The following CRADD variants were observed in gnomAD, a reference collection of about 807,000 sequenced individuals.
CRADD encodes CARD and death domain containing adaptor protein.
Under a neutral mutation model 15.5 loss-of-function variants are expected in CRADD, and 9 were observed. That is an observed-to-expected ratio of 0.58 (90% CI 0.35 to 1.01). CRADD has a LOEUF of 1.01. CRADD is among the 50% of genes least tolerant of loss of function. The pLI is 0.02. For missense variants in CRADD, 227 were observed against 250.3 expected (o/e 0.91, Z 0.63); for synonymous variants, 118 against 107.6 (o/e 1.10, Z -0.60).
chr12:93,877,589 TC>T (rs1392277516), intron 2 of CRADD, among the ~76,000 whole-genome samples: 1 of 152,108 alleles, frequency 6.6e-6, no homozygotes, highest in African/African-American at 2.4e-5. Context: ...CCTCTTCCTT[TC>T]CCCTTCCAAA....
chr12:93,724,336 G>A (rs1956316097), intron 2 of CRADD, among the ~76,000 whole-genome samples: 1 of 150,104 alleles, frequency 6.7e-6, no homozygotes, highest in African/African-American at 2.5e-5. Context: ...CCCTGATCGT[G>A]CCACTGCACT....
intron 2 of CRADD, among the ~76,000 whole-genome samples, chr12:93,816,710 G>A (rs1168989120): frequency 1.3e-5 from 2 of 152,046 alleles, no homozygotes; most frequent in African/African-American, 4.8e-5. Context: ...GCTTTCAGCA[G>A]TTCTTCTGTT....
At chr12:93,870,318 C>G (rs986318960) in intron 2 of CRADD, among the ~76,000 whole-genome samples, 2 of 152,180 alleles carry the variant, frequency 1.3e-5, no homozygotes, top group East Asian at 1.9e-4. Context: ...GCACTTGAAC[C>G]ATGACTTGCT....
intron 2 of CRADD, among the ~76,000 whole-genome samples, chr12:93,821,262 C>T (rs552551686): frequency 1.3e-5 from 2 of 152,342 alleles, no homozygotes; most frequent in African/African-American, 2.4e-5. Flanking sequence ...CTCCCCAGCC[C>T]GCATAGCTCT....
At chr12:93,767,302 ACTT>A (rs1424936953) in intron 2 of CRADD, among the ~76,000 whole-genome samples, 2 of 152,126 alleles carry the variant, frequency 1.3e-5, no homozygotes, top group Non-Finnish European at 2.9e-5. Flanking sequence ...AATTGGAGCC[ACTT>A]CTTCTATTGG....
At chr12:93,770,322 C>T (rs1358069097) in intron 2 of CRADD, among the ~76,000 whole-genome samples, 3 of 152,014 alleles carry the variant, frequency 2.0e-5, no homozygotes, top group African/African-American at 7.2e-5. Flanking sequence ...TGGTCTCGAT[C>T]TCCTGACCTC....
In CRADD at chr12:93,811,444, C is replaced by T. The variant is rs1957625574; in HGVS notation, c.299-38526C>T. ...ATTCAGCAGAGGCTGGCTACCTATACTGGCACCATTGAAGGACTCTGCCCT... is the reference window on the plus strand; with the variant it reads ...ATTCAGCAGAGGCTGGCTACCTATATTGGCACCATTGAAGGACTCTGCCCT... On this transcript the variant is annotated intron_variant, in intron 2 of 2. Transcript: ENST00000332896. Among the ~76,000 whole-genome samples the T allele has an allele frequency of 2.0e-5, 3 of 152,210 alleles. No homozygotes were observed. The South Asian group carries it at 6.2e-4, about 32-fold the overall frequency.
intron 2 of CRADD, among the ~76,000 whole-genome samples, chr12:93,686,304 CAAAAAAAAAAAAAA>C (rs59096792): frequency 9.1e-5 from 6 of 65,984 alleles, no homozygotes; most frequent in African/African-American, 3.3e-4. Flanking sequence ...CCATCCCCCC[CAAAAAAAAAAAAAA>C]AAAAAAAGAA....
At chr12:93,875,244 G>A (rs1958449958) in intron 2 of CRADD, among the ~76,000 whole-genome samples, 1 of 127,236 alleles carries the variant, frequency 7.9e-6, no homozygotes, top group Non-Finnish European at 1.8e-5. Flanking sequence ...AACTCCTGCT[G>A]ATTTTTGTTT....
At chr12:93,778,057 A>T (rs1388103408) in intron 2 of CRADD, among the ~76,000 whole-genome samples, 4 of 152,208 alleles carry the variant, frequency 2.6e-5, no homozygotes, top group Non-Finnish European at 5.9e-5. Flanking sequence ...AAGACAGTCC[A>T]TGTGTGGTTC....
At chr12:93,778,844 A>C (rs1957168922) in intron 2 of CRADD, among the ~76,000 whole-genome samples, 1 of 152,066 alleles carries the variant, frequency 6.6e-6, no homozygotes, top group Non-Finnish European at 1.5e-5. Context: ...GTAGCAATGA[A>C]TTCACAGGAG....
chr12:93,803,510 A>G (rs1001185693), intron 2 of CRADD, among the ~76,000 whole-genome samples: 1 of 152,152 alleles, frequency 6.6e-6, no homozygotes, highest in South Asian at 2.1e-4. Flanking sequence ...TTTTAAAGCC[A>G]TTCCACGTCC....
Position 93,774,368 on chromosome 12 carries a change from T to G in CRADD, c.299-75602T>G, listed in dbSNP as rs544484483. ...GATAGAGATTTTACCCCTTCTTTTA[T>G]AGATGAGGAGCCTGAGGGCTTGAGG... On this transcript the variant is annotated intron_variant, in intron 2 of 2. Coordinates refer to ENST00000332896, the MANE Select transcript of CRADD (RefSeq NM_003805.5). Among the ~76,000 whole-genome samples, 6 of 152,322 alleles carry G rather than the reference T, an allele frequency of 3.9e-5. No individual in the cohort carries two copies. The East Asian group carries it at 1.2e-3, about 29-fold the overall frequency.
In CRADD at chr12:93,809,530, C is replaced by T. The variant is rs557115671; in HGVS notation, c.299-40440C>T. Among the ~76,000 whole-genome samples, 8 of 152,274 alleles carry T rather than the reference C, an allele frequency of 5.3e-5. No individual in the cohort carries two copies. In the South Asian group the frequency reaches 1.2e-3, roughly 24 times the overall value. ...GGCAGTGACTGATCAGATTAGATCA[C>T]AAAATCCCTTCCTTCTGTCATGCTA... On this transcript the variant is annotated intron_variant, in intron 2 of 2. Transcript: ENST00000332896.
At chr12:93,701,277 T>TTC (rs150148156) in intron 2 of CRADD, among the ~76,000 whole-genome samples, 2 of 133,102 alleles carry the variant, frequency 1.5e-5, no homozygotes, top group African/African-American at 6.0e-5. Flanking sequence ...CTCCATATCC[T>TTC]TCTCTCTCTC....
intron 2 of CRADD, among the ~76,000 whole-genome samples, chr12:93,846,838 C>T (rs926050801): frequency 1.3e-5 from 2 of 152,292 alleles, no homozygotes; most frequent in South Asian, 2.1e-4. Flanking sequence ...CAGTGGCTCA[C>T]GCCTGTAGTC....
chr12:93,862,823 C>G (rs1322537074), intron 2 of CRADD, among the ~76,000 whole-genome samples: 2 of 152,172 alleles, frequency 1.3e-5, no homozygotes, highest in African/African-American at 4.8e-5. Flanking sequence ...AGATTTATCC[C>G]ACAGACACAT....
At chr12:93,809,287 C>T (rs897042139) in intron 2 of CRADD, among the ~76,000 whole-genome samples, 1 of 152,122 alleles carries the variant, frequency 6.6e-6, no homozygotes, top group Admixed American at 6.5e-5. Context: ...AATGGATTCT[C>T]CAGGAAAATA....
intron 2 of CRADD, among the ~76,000 whole-genome samples, chr12:93,735,410 C>T (rs1255483459): frequency 6.6e-6 from 1 of 152,098 alleles, no homozygotes; most frequent in African/African-American, 2.4e-5. Context: ...ATAGAATAAA[C>T]CAAGTTGTTT....
Sources: gnomAD v4.1 joint callset for allele counts (sites outside exome capture counted in the v4.1 genomes callset) on GRCh38, gnomAD v4.1.1 for gene constraint, MANE v1.5 for transcripts, NCBI Gene and HGNC (gene_info 2026-07-23, HGNC 2026-07-21) for gene names.